CACNA1D: variants seen among roughly 807,000 people sequenced by gnomAD.
CACNA1D encodes the protein calcium voltage-gated channel subunit alpha1 D, also known as voltage-dependent L-type calcium channel subunit alpha-1D.
In CACNA1D, 55 loss-of-function variants were observed where a neutral mutation model predicts 257.1. The observed-to-expected ratio is 0.21, with a 90% CI of 0.17 to 0.27. CACNA1D has a LOEUF of 0.27. Among genes scored for constraint, CACNA1D ranks in the 10% least tolerant of loss-of-function variants. The pLI is 1.00. For missense variants in CACNA1D, 1,876 were observed against 2,784.0 expected, an observed-to-expected ratio of 0.67 and a Z score of 7.34; for synonymous variants, 980 against 1,014.9, an observed-to-expected ratio of 0.97 and a Z score of 0.65.
chr3:53,612,146 T>C (rs2093590214), intron 3 of CACNA1D, among the ~76,000 whole-genome samples: 1 of 152,246 alleles, frequency 6.6e-6, no homozygotes, highest in African/African-American at 2.4e-5. Flanking sequence ...TGATTGAAAA[T>C]CCTTGATTGC....
chr3:53,678,005 G>A (rs2094393086), intron 8 of CACNA1D, among the ~76,000 whole-genome samples: 2 of 152,196 alleles, frequency 1.3e-5, no homozygotes, highest in Admixed American at 1.3e-4. Context: ...AGTTCAGGAA[G>A]GGTGCATCTC....
chr3:53,710,439 A>G (rs1214399056), intron 9 of CACNA1D: 2 of 456,718 alleles, frequency 4.4e-6, no homozygotes, highest in African/African-American at 2.0e-5. Flanking sequence ...GAAGAAAAAG[A>G]AGTTTTGCTG....
At chr3:53,619,007 C>G (rs2093666756) in intron 3 of CACNA1D, among the ~76,000 whole-genome samples, 1 of 152,166 alleles carries the variant, frequency 6.6e-6, no homozygotes, top group Non-Finnish European at 1.5e-5. Context: ...CCGGCAGCCC[C>G]CACTGCCAAC....
At chr3:53,594,167 G>T (rs1488190348) in intron 3 of CACNA1D, among the ~76,000 whole-genome samples, 1 of 152,200 alleles carries the variant, frequency 6.6e-6, no homozygotes, top group East Asian at 1.9e-4. Flanking sequence ...ACCCATAAGT[G>T]TGAAGTCTGG....
Position 53,805,100 on chromosome 3 carries a change from T to C in CACNA1D, c.5703T>C (p.Asp1901=). 2 of 1,614,082 alleles carry C rather than the reference T, an allele frequency of 1.2e-6. No individual in the cohort carries two copies. Among genetic ancestry groups the C allele is most frequent in the Non-Finnish European group, 1.7e-6 (2 of 1,180,008 alleles). Residue 1901 remains aspartate (D), a synonymous_variant, in exon 45 of 48, where the codon GAT becomes GAC. Transcript: ENST00000350061. ...LEDDDSPVCY[D]SRRSPRRRLL... is the part of the protein sequence containing the mutation. ...ACGATGACTCGCCCGTTTGCTATGA[T>C]TCACGGAGATCTCCAAGGAGACGCC... is the stretch of plus-strand genomic sequence containing the variant.
At chr3:53,726,760 G>C in intron 14 of CACNA1D, 119 bp from the exon 15 acceptor site, 2 of 1,207,664 alleles carry the variant, frequency 1.7e-6, no homozygotes, top group Non-Finnish European at 2.5e-6. Flanking sequence ...GATTTGTTCA[G>C]TGCAAACTGG....
At chr3:53,590,804 C>A (rs144204712) in intron 3 of CACNA1D, among the ~76,000 whole-genome samples, 1 of 152,110 alleles carries the variant, frequency 6.6e-6, no homozygotes, top group Non-Finnish European at 1.5e-5. Flanking sequence ...ATCGAGTGAG[C>A]GGGCATAGGT....
intron 19 of CACNA1D, among the ~76,000 whole-genome samples, chr3:53,734,395 T>C (rs1162650165): frequency 6.6e-6 from 1 of 152,042 alleles, no homozygotes; most frequent in Non-Finnish European, 1.5e-5. Context: ...TACACACATA[T>C]ACTTTACAAT....
intron 3 of CACNA1D, among the ~76,000 whole-genome samples, chr3:53,547,567 A>G (rs2092438649): frequency 6.6e-6 from 1 of 151,938 alleles, no homozygotes; most frequent in Non-Finnish European, 1.5e-5. Flanking sequence ...GCCTTCCTGT[A>G]TTTGAGGCTT....
At chr3:53,581,721 T>G (rs1162496245) in intron 3 of CACNA1D, among the ~76,000 whole-genome samples, 1 of 152,218 alleles carries the variant, frequency 6.6e-6, no homozygotes, top group African/African-American at 2.4e-5. Context: ...CCCAGGGTCC[T>G]AGGGCTGGAT....
chr3:53,537,531 A>G (rs1191582399), intron 3 of CACNA1D, among the ~76,000 whole-genome samples: 1 of 149,414 alleles, frequency 6.7e-6, no homozygotes, highest in Non-Finnish European at 1.5e-5. Context: ...AAACATAACC[A>G]CAGTCTGCTA....
intron 3 of CACNA1D, among the ~76,000 whole-genome samples, chr3:53,551,246 C>T (rs2092527103): frequency 6.6e-6 from 1 of 152,208 alleles, no homozygotes; most frequent in South Asian, 2.1e-4. Context: ...GGTGTGAGTG[C>T]TTTTCCCTGG....
intron 3 of CACNA1D, among the ~76,000 whole-genome samples, chr3:53,643,479 G>A (rs1021764427): frequency 1.3e-5 from 2 of 151,976 alleles, no homozygotes; most frequent in East Asian, 1.9e-4. Flanking sequence ...GAATGTGCAC[G>A]ATGGCCTCAA....
chr3:53,534,096 G>C lies in CACNA1D; in HGVS notation c.483+32376G>C, dbSNP rs576792511. Among the ~76,000 whole-genome samples the C allele has an allele frequency of 1.1e-4, 17 of 152,202 alleles. 1 individual carries two copies. In the South Asian group the frequency reaches 1.2e-3, roughly 11 times the overall value. Reference sequence around the variant, plus strand: ...CATCTGTAGGTTGTGTTCTTGAGTGGGAAGGCCTCCTTGGATACCTCTCGA... The same window carrying C: ...CATCTGTAGGTTGTGTTCTTGAGTGCGAAGGCCTCCTTGGATACCTCTCGA... On this transcript the variant is annotated intron_variant, in intron 3 of 47. Coordinates refer to ENST00000350061, the MANE Select transcript of CACNA1D (RefSeq NM_001128840.3).
chr3:53,660,677 C>T (rs942897318), intron 5 of CACNA1D, among the ~76,000 whole-genome samples: 3 of 150,534 alleles, frequency 2.0e-5, no homozygotes, highest in East Asian at 1.9e-4. Context: ...TACTTAGCTG[C>T]GTGCCTTTTT....
chr3:53,771,160 C>T (rs1309097605), intron 32 of CACNA1D, among the ~76,000 whole-genome samples: 1 of 152,106 alleles, frequency 6.6e-6, no homozygotes, highest in Admixed American at 6.5e-5. Flanking sequence ...AGTACCCTGC[C>T]CCAGACATTC....
intron 25 of CACNA1D, 68 bp downstream of exon 25, chr3:53,745,943 G>A: frequency 8.1e-7 from 1 of 1,241,554 alleles, no homozygotes; most frequent in Non-Finnish European, 1.2e-6. Flanking sequence ...ATTCACACAT[G>A]TTGGCACGTC....
At position 53,812,561 on chromosome 3, in the gene CACNA1D, T is replaced by C. The variant is rs898217795; in HGVS notation, c.*1155T>C. 1.7e-4 allele frequency: 25 copies of C among 149,476 alleles called. No individual in the cohort carries two copies. The highest frequency in any genetic ancestry group is 6.1e-4 in the African/African-American group (25 of 40,936). 9.3% of individuals were successfully genotyped at this position (149,476 alleles called of 1,614,324 possible). ...CACCATGGGTTGCAACTGTCTTTGGTTTTGTTTGTTTGACTTGAACCACCC... is the reference window on the plus strand; with the variant it reads ...CACCATGGGTTGCAACTGTCTTTGGCTTTGTTTGTTTGACTTGAACCACCC... On this transcript the variant is annotated 3_prime_UTR_variant, in exon 48 of 48. Transcript: ENST00000350061.
intron 3 of CACNA1D, among the ~76,000 whole-genome samples, chr3:53,640,653 C>T (rs1375003208): frequency 1.3e-5 from 2 of 152,226 alleles, no homozygotes; most frequent in South Asian, 2.1e-4. Flanking sequence ...TGCTCTTGTA[C>T]TTGGTTGGTG....
Sources: gnomAD v4.1 joint callset for allele counts (sites outside exome capture counted in the v4.1 genomes callset) on GRCh38, gnomAD v4.1.1 for gene constraint, MANE v1.5 for transcripts, NCBI Gene and HGNC (gene_info 2026-07-23, HGNC 2026-07-21) for gene names.